Variants in INPP5B observed in about 807,000 individuals in gnomAD.
INPP5B encodes the protein inositol polyphosphate-5-phosphatase B, also known as type II inositol 1,4,5-trisphosphate 5-phosphatase.
INPP5B carries 90 observed loss-of-function variants against 118.5 expected under a neutral mutation model. The observed-to-expected ratio is 0.76, with a 90% CI of 0.64 to 0.90. The LOEUF (loss-of-function observed/expected upper bound fraction) is 0.90, where lower values mean the gene tolerates loss of function less well. INPP5B is among the 40% of genes least tolerant of loss of function. INPP5B has a pLI of 0.00. For missense variants in INPP5B, 984 were observed against 1,125.6 expected (o/e 0.87, Z 1.80); for synonymous variants, 385 against 418.9 (o/e 0.92, Z 0.99).
intron 13 of INPP5B, 153 bp downstream of exon 13, chr1:37,885,485 T>G (rs1332410701): frequency 8.9e-6 from 5 of 563,178 alleles, no homozygotes; most frequent in Non-Finnish European, 1.6e-5. Context: ...AACTAAATAT[T>G]TTCAAGAGAT....
chr1:37,932,052 G>T lies in INPP5B; in HGVS notation c.393C>A (p.Gly131=), dbSNP rs1181152228. Residue 131 remains glycine, a splice_region_variant and synonymous_variant, in exon 7 of 24, where the codon GGC becomes GGA. Coordinates refer to ENST00000373024, the MANE Select transcript of INPP5B (RefSeq NM_005540.3). ...CAGGATCCCGGGTCGCAGAATCGAA[G>T]CCTGTGCAGGAACAAATGGGGGCAG... ...FLHEVARACP[G]FDSATRDPEF... The T allele has an allele frequency of 6.3e-7, 1 of 1,590,226 alleles. No individual in the cohort carries two copies. Among genetic ancestry groups the T allele is most frequent in the East Asian group, 2.2e-5 (1 of 44,454 alleles).
At chr1:37,901,124 A>G (rs1443962667) in intron 7 of INPP5B, among the ~76,000 whole-genome samples, 15 of 152,124 alleles carry the variant, frequency 9.9e-5, no homozygotes, top group African/African-American at 3.6e-4. Context: ...ATTAAATCTT[A>G]TATTTATTCA....
rs1044102517 is a variant in INPP5B, at chr1:37,881,530, G to GA, written c.1431+1276dup. On this transcript the variant is annotated intron_variant, in intron 14 of 23. Coordinates refer to ENST00000373024, the MANE Select transcript of INPP5B (RefSeq NM_005540.3). Reference sequence around the variant, plus strand: ...AGTAGATACTACTTGCCAAATTCCTGAAAAAACTATTTAAAAAGCAACAGA... The same window carrying GA: ...AGTAGATACTACTTGCCAAATTCCTGAAAAAAACTATTTAAAAAGCAACAGA... Among the ~76,000 whole-genome samples the GA allele has an allele frequency of 7.6e-4, 116 of 152,228 alleles. 1 individual carries two copies. The highest frequency in any genetic ancestry group is 2.7e-3 in the African/African-American group (113 of 41,528).
At chr1:37,878,537 C>G in intron 15 of INPP5B, 2 of 974,244 alleles carry the variant, frequency 2.1e-6, no homozygotes, top group Non-Finnish European at 2.4e-6. Flanking sequence ...AAAGCCAAAA[C>G]AGAGTTCAGA....
chr1:37,919,224 T>C (rs112440442), intron 7 of INPP5B, among the ~76,000 whole-genome samples: 147 of 152,202 alleles, frequency 9.7e-4, no homozygotes, highest in African/African-American at 3.4e-3. Context: ...TATGTGGGAG[T>C]GTGGCTGTCA....
chr1:37,905,776 C>G (rs553508453), intron 7 of INPP5B, among the ~76,000 whole-genome samples: 40 of 152,334 alleles, frequency 2.6e-4, no homozygotes. Context: ...TCATGAATGT[C>G]AATCAGAACA....
chr1:37,873,698 G>A (rs1360547824), intron 18 of INPP5B, among the ~76,000 whole-genome samples: 1 of 152,202 alleles, frequency 6.6e-6, no homozygotes, highest in Non-Finnish European at 1.5e-5. Flanking sequence ...GTTGATTATA[G>A]CAAGATAGTA....
chr1:37,931,430 C>T lies in INPP5B; in HGVS notation c.532+483G>A. ...ACAGCGAGTTCGGAACGGAGCTTTA[C>T]TAAAACCCCAGCCTCCGGATTCCCA... On this transcript the variant is annotated intron_variant, in intron 7 of 23. Transcript: ENST00000373024. 3.3e-6 allele frequency: 5 copies of T among 1,521,544 alleles called. No homozygotes were observed. In the South Asian group the frequency reaches 6.1e-5, roughly 18 times the overall value. 94.3% of individuals were successfully genotyped at this position (1,521,544 alleles called of 1,614,324 possible).
At chr1:37,912,929 G>A (rs1644747809) in intron 7 of INPP5B, among the ~76,000 whole-genome samples, 1 of 143,748 alleles carries the variant, frequency 7.0e-6, no homozygotes, top group Admixed American at 7.3e-5. Context: ...AAATCACAGA[G>A]GCCTCGACTT....
intron 13 of INPP5B, chr1:37,883,873 T>C: frequency 1.0e-6 from 1 of 983,122 alleles, no homozygotes; most frequent in Admixed American, 6.1e-5. Flanking sequence ...TTCCTCTTTA[T>C]AAAAGAAGTG....
chr1:37,927,005 G>T (rs1194820903), intron 7 of INPP5B, among the ~76,000 whole-genome samples: 1 of 152,118 alleles, frequency 6.6e-6, no homozygotes, highest in Non-Finnish European at 1.5e-5. Flanking sequence ...TAAGAACAGT[G>T]AGGCCAGGCG....
chr1:37,917,440 C>T (rs537243731), intron 7 of INPP5B, among the ~76,000 whole-genome samples: 3 of 150,352 alleles, frequency 2.0e-5, no homozygotes, highest in African/African-American at 7.3e-5. Flanking sequence ...TCTCCTGCCT[C>T]AGCCTCCCGA....
At position 37,864,323 on chromosome 1, in the gene INPP5B, T is replaced by C. The variant is rs781050898; in HGVS notation, c.2615A>G (p.Glu872Gly). 34 of 1,586,942 alleles carry C rather than the reference T, an allele frequency of 2.1e-5. No homozygotes were observed. In the East Asian group the frequency reaches 7.4e-4, roughly 34 times the overall value. ...LKNSAKNHLD[E>G]NILASIFGSL... ...ATTTGGCTGCTTACCTAGAATATTC[T>C]CATCCAAATGATTTTTTGCTGAATT... The change falls in exon 23 of 24, where the codon GAG becomes GGG. Residue 872 changes from glutamate to glycine, a missense_variant. Glu to Gly is a moderately conservative substitution (Grantham distance 98, BLOSUM62 -2). This residue lies in a region of INPP5B where 634 missense variants were observed against 791.0 expected (regional missense o/e 0.80). Transcript: ENST00000373024.
intron 7 of INPP5B, among the ~76,000 whole-genome samples, chr1:37,921,807 C>G (rs1464911625): frequency 1.3e-5 from 2 of 152,000 alleles, no homozygotes; most frequent in African/African-American, 4.8e-5. Flanking sequence ...GTCAGGAGTT[C>G]GAGACTAGCC....
At chr1:37,866,418 A>T (rs941192477) in intron 21 of INPP5B, 41 bp downstream of exon 21, 3 of 1,004,472 alleles carry the variant, frequency 3.0e-6, no homozygotes, top group Admixed American at 1.7e-5. Context: ...ACACACACAC[A>T]CACACACACA....
At chr1:37,932,267 G>T (rs1485650513) in intron 6 of INPP5B, among the ~76,000 whole-genome samples, 1 of 151,972 alleles carries the variant, frequency 6.6e-6, no homozygotes, top group Non-Finnish European at 1.5e-5. Context: ...GTAACTATGT[G>T]CCAAGGTCTG....
intron 19 of INPP5B, among the ~76,000 whole-genome samples, chr1:37,870,448 A>G (rs1642345162): frequency 6.6e-6 from 1 of 152,172 alleles, no homozygotes; most frequent in African/African-American, 2.4e-5. Context: ...TACAAACTGA[A>G]TGTGTATGTC....
intron 7 of INPP5B, among the ~76,000 whole-genome samples, chr1:37,911,601 A>G (rs1644700881): frequency 6.6e-6 from 1 of 152,018 alleles, no homozygotes; most frequent in Non-Finnish European, 1.5e-5. Context: ...AGCAAGCTAA[A>G]CTCATTGCCT....
intron 16 of INPP5B, among the ~76,000 whole-genome samples, chr1:37,876,552 T>TA (rs34854182): frequency 0.29 from 15,503 of 54,202 alleles, 2,786 homozygotes; most frequent in Admixed American, 0.31. Context: ...GCTGTCTCTT[T>TA]AAAAAAAAAA....
Sources: allele counts gnomAD v4.1 joint callset (sites outside exome capture counted in the v4.1 genomes callset), GRCh38; gene constraint gnomAD v4.1.1; regional missense constraint gnomAD v4.1.1; transcripts MANE v1.5; gene names NCBI Gene and HGNC (gene_info 2026-07-23, HGNC 2026-07-21).